Variants in SNX32 observed in about 807,000 individuals in gnomAD.
The protein encoded by SNX32 is sorting nexin 32.
A neutral mutation model predicts 57.0 loss-of-function variants in SNX32; 58 were observed. The observed-to-expected ratio is 1.02, with a 90% confidence interval of 0.82 to 1.27. SNX32 has a LOEUF of 1.27. Ranked by LOEUF, SNX32 falls within the 50% of genes most tolerant of loss-of-function variation. SNX32 has a pLI of 0.00. For missense variants in SNX32, 589 were observed against 541.2 expected (o/e 1.09, Z -0.88); for synonymous variants, 262 against 220.4 (o/e 1.19, Z -1.67).
rs747439572 is a variant in SNX32 at position 65,851,086 on chromosome 11, C to T, written c.635C>T (p.Thr212Ile). The T allele has an allele frequency of 1.1e-5, 18 of 1,613,978 alleles. No homozygotes were observed. Among genetic ancestry groups the T allele is most frequent in the Non-Finnish European group, 1.4e-5 (16 of 1,180,010 alleles). Residue 212 changes from threonine to isoleucine, a missense_variant, in exon 7 of 13, where the codon ACC (threonine) becomes ATC (isoleucine). By Grantham distance (89) the Thr-to-Ile change is moderately conservative. Transcript: ENST00000308342. ...GATGACTTCTTTGAGCATGAGAGGA[C>T]CTTCCTGTTGGAGTATCACACCCGT... ...EVDDFFEHER[T>I]FLLEYHTRIR...
intron 1 of SNX32, among the ~76,000 whole-genome samples, chr11:65,838,698 AT>A (rs1316484223): frequency 6.6e-6 from 1 of 152,220 alleles, no homozygotes; most frequent in Non-Finnish European, 1.5e-5. Context: ...CACATGAAAC[AT>A]TTACCAAAAT....
chr11:65,839,223 G>GTTTTTTTTTTTTTTTTTTTTTTTT lies in SNX32; in HGVS notation c.36+5123_36+5124insTTTTTTTTTTTTTTTTTTTTTTTT, dbSNP rs755185237. 2.7e-3 allele frequency among the ~76,000 whole-genome samples: 61 copies of GTTTTTTTTTTTTTTTTTTTTTTTT among 22,966 alleles called. 14 individuals carry two copies. The highest frequency in any genetic ancestry group is 6.3e-3 in the South Asian group (3 of 480). 15.1% of individuals were successfully genotyped at this position (22,966 alleles called of 152,430 possible). ...CCCACCACGCCCAGCTAATTTTTTT[G>GTTTTTTTTTTTTTTTTTTTTTTTT]TATTTTTTTTTTTTTTTTTTTTTTG... On this transcript the variant is annotated intron_variant, in intron 1 of 12. Coordinates refer to ENST00000308342, the MANE Select transcript of SNX32 (RefSeq NM_152760.3).
At chr11:65,849,667 C>A in intron 2 of SNX32, 85 bp downstream of exon 2, 1 of 1,224,012 alleles carries the variant, frequency 8.2e-7, no homozygotes, top group Non-Finnish European at 1.2e-6. Flanking sequence ...TGTGCCAACA[C>A]AGCCTGTGGG....
At chr11:65,839,422 G>A (rs1295021148) in intron 1 of SNX32, among the ~76,000 whole-genome samples, 1 of 147,030 alleles carries the variant, frequency 6.8e-6, no homozygotes, top group Non-Finnish European at 1.5e-5. Context: ...GTAGAGACGG[G>A]GTTTCACCGT....
intron 1 of SNX32, among the ~76,000 whole-genome samples, chr11:65,836,460 C>T (rs966114360): frequency 2.0e-5 from 3 of 152,096 alleles, no homozygotes; most frequent in African/African-American, 7.2e-5. Context: ...AGGAGAATAG[C>T]TTGAACCCAG....
Position 65,851,622 on chromosome 11 carries a change from C to T in SNX32, c.786-18C>T. On this transcript the variant is annotated intron_variant, in intron 8 of 12. Coordinates refer to ENST00000308342, the MANE Select transcript of SNX32 (RefSeq NM_152760.3). ...TTCCTCAGCCCCCTACCCTAACTCC[C>T]TCCCTACTGCTTCCTAGGAGCTTCC... The T allele has an allele frequency of 6.2e-7, 1 of 1,614,008 alleles. No homozygotes were observed. The highest frequency in any genetic ancestry group is 8.5e-7 in the Non-Finnish European group (1 of 1,179,938).
At chr11:65,850,086 C>A in intron 3 of SNX32, 56 bp downstream of exon 3, 1 of 1,614,190 alleles carries the variant, frequency 6.2e-7, no homozygotes, top group Non-Finnish European at 8.5e-7. Flanking sequence ...TGGGTGAGGA[C>A]CAAAGGCTGT....
At chr11:65,846,673 C>G (rs1859005893) in intron 1 of SNX32, among the ~76,000 whole-genome samples, 1 of 151,576 alleles carries the variant, frequency 6.6e-6, no homozygotes, top group African/African-American at 2.4e-5. Context: ...CAAGAAGGAG[C>G]CTTCCGGAGT....
At chr11:65,845,352 G>T (rs1478926698) in intron 1 of SNX32, among the ~76,000 whole-genome samples, 46 of 150,548 alleles carry the variant, frequency 3.1e-4, no homozygotes, top group Admixed American at 2.1e-3. Context: ...GCAGGAGAAT[G>T]GCATGAACCC....
intron 1 of SNX32, among the ~76,000 whole-genome samples, chr11:65,845,566 G>A (rs1045042590): frequency 7.3e-5 from 11 of 151,658 alleles, no homozygotes; most frequent in South Asian, 2.1e-4. Context: ...ATGAAACCCC[G>A]TTTCTACTAA....
chr11:65,834,983 T>C (rs1356445507), intron 1 of SNX32, among the ~76,000 whole-genome samples: 3 of 149,772 alleles, frequency 2.0e-5, no homozygotes, highest in Non-Finnish European at 4.5e-5. Context: ...GTGTATGTCG[T>C]TGTGTGTGTC....
In SNX32 at chr11:65,852,491, T is replaced by C. The variant is rs1859232454; in HGVS notation, c.852T>C (p.Asp284=). The part of the protein sequence containing the change: ...LRKLEGRVAS[D]EDLKLSDMLR... ...AGCTGGAGGGCCGGGTGGCTTCCGATGAGGACCTGAAGCTGTCAGACATGC... is the reference window on the plus strand; with the variant it reads ...AGCTGGAGGGCCGGGTGGCTTCCGACGAGGACCTGAAGCTGTCAGACATGC... Residue 284 remains aspartate (D), a synonymous_variant, in exon 10 of 13, where the codon GAT becomes GAC. Coordinates refer to ENST00000308342, the MANE Select transcript of SNX32 (RefSeq NM_152760.3). 1.9e-6 allele frequency: 3 copies of C among 1,614,170 alleles called. No homozygotes were observed. The highest frequency in any genetic ancestry group is 1.1e-5 in the South Asian group (1 of 91,076).
chr11:65,837,952 T>C (rs1359088133), intron 1 of SNX32, among the ~76,000 whole-genome samples: 1 of 151,916 alleles, frequency 6.6e-6, no homozygotes, highest in Non-Finnish European at 1.5e-5. Flanking sequence ...GGTCAGGAGT[T>C]TGAGACCAGC....
At chr11:65,850,680 G>A (rs927765661) in intron 5 of SNX32, 71 bp from the exon 6 acceptor site, 3 of 1,583,672 alleles carry the variant, frequency 1.9e-6, no homozygotes, top group Non-Finnish European at 8.6e-7. Context: ...ACAGCTCCGT[G>A]AGTGGCTTGC....
At chr11:65,839,226 T>TTTTTTTTTTTTTTC (rs1858761428) in intron 1 of SNX32, among the ~76,000 whole-genome samples, 1 of 2,882 alleles carries the variant, frequency 3.5e-4, no homozygotes, top group Non-Finnish European at 1.2e-3. Context: ...TTTTTTTGTA[T>TTTTTTTTTTTTTTC]TTTTTTTTTT....
chr11:65,846,236 AC>A (rs1858989851), intron 1 of SNX32, among the ~76,000 whole-genome samples: 1 of 151,980 alleles, frequency 6.6e-6, no homozygotes. Context: ...ATGTCACTGC[AC>A]TCCAGCCTGG....
rs371249327 is a variant in SNX32, at chr11:65,850,713, C to T, written c.499-38C>T. 7 of 1,598,648 alleles carry T rather than the reference C, an allele frequency of 4.4e-6. No homozygotes were observed. In the African/African-American group the frequency reaches 5.4e-5, roughly 12 times the overall value. ...TGCAACTTGGGGTGGGAGGTGAGAA[C>T]GCCCACCCCAGCATCATACCCTCCC... is the stretch of plus-strand genomic sequence containing the variant. On this transcript the variant is annotated intron_variant, in intron 5 of 12. Transcript: ENST00000308342.
intron 1 of SNX32, 93 bp from the exon 2 acceptor site, chr11:65,849,385 A>G (rs1859091250): frequency 1.1e-6 from 1 of 922,170 alleles, no homozygotes; most frequent in African/African-American, 1.6e-5. Context: ...GTGCTGCTGA[A>G]GAGGGTTCTG....
rs961708672 is a variant in SNX32 at position 65,850,932 on chromosome 11, T to C, written c.603+77T>C. 1.6e-5 allele frequency: 24 copies of C among 1,530,568 alleles called. No homozygotes were observed. In the African/African-American group the frequency reaches 2.3e-4, roughly 15 times the overall value. The allele number at this position is 1,530,568 out of a possible 1,614,324, so 94.8% of individuals were successfully genotyped here. On this transcript the variant is annotated intron_variant, in intron 6 of 12. Transcript: ENST00000308342. Reference sequence around the variant, plus strand: ...CACAGATTGAGGCCCAGGCTGGGTGTGGGAAGGAAGCCACTGGTGGGGCCT... The same window carrying C: ...CACAGATTGAGGCCCAGGCTGGGTGCGGGAAGGAAGCCACTGGTGGGGCCT...
Sources: gnomAD v4.1 joint callset for allele counts (sites outside exome capture counted in the v4.1 genomes callset) on GRCh38, gnomAD v4.1.1 for gene constraint, MANE v1.5 for transcripts, NCBI Gene and HGNC (gene_info 2026-07-23, HGNC 2026-07-21) for gene names.